Variants in CACNB4 observed in about 807,000 individuals in gnomAD.
CACNB4 encodes calcium voltage-gated channel auxiliary subunit beta 4, also known as voltage-dependent L-type calcium channel subunit beta-4.
Under a neutral mutation model 71.2 loss-of-function variants are expected in CACNB4, and 32 were observed. The observed-to-expected ratio is 0.45, with a 90% CI of 0.34 to 0.60. The LOEUF is 0.60. Ranked by LOEUF, CACNB4 falls within the 20% of genes least tolerant of loss-of-function variation. CACNB4 has a pLI of 0.01. For missense variants in CACNB4, 464 were observed against 647.9 expected (o/e 0.72, Z 3.08); for synonymous variants, 231 against 236.9 (o/e 0.97, Z 0.23).
chr2:151,866,548 G>A (rs2099843168), intron 9 of CACNB4: 2 of 152,210 alleles, frequency 1.3e-5, no homozygotes, highest in Admixed American at 6.5e-5. Flanking sequence ...GCAGCATGAT[G>A]TTATAGCTCA....
At chr2:151,890,419 T>G (rs895721441) in intron 2 of CACNB4, among the ~76,000 whole-genome samples, 1 of 152,178 alleles carries the variant, frequency 6.6e-6, no homozygotes, top group African/African-American at 2.4e-5. Flanking sequence ...TAGATATTAT[T>G]ATCACATCAA....
chr2:151,840,885 C>T (rs1271612377), intron 13 of CACNB4, among the ~76,000 whole-genome samples: 5 of 152,204 alleles, frequency 3.3e-5, no homozygotes, highest in African/African-American at 1.2e-4. Flanking sequence ...CACATTCCAG[C>T]AGCTACTTGA....
intron 13 of CACNB4, 37 bp downstream of exon 13, chr2:151,841,865 TA>T: frequency 6.3e-7 from 1 of 1,574,940 alleles, no homozygotes; most frequent in Non-Finnish European, 8.7e-7. Flanking sequence ...ATTTTACATG[TA>T]AGGTTGTAAA....
intron 13 of CACNB4, 129 bp downstream of exon 13, chr2:151,841,774 T>G: frequency 2.7e-6 from 2 of 747,946 alleles, no homozygotes; most frequent in Non-Finnish European, 4.4e-6. Flanking sequence ...TATTTAAGAT[T>G]TTTAAATATA....
chr2:152,078,775 T>C (rs1033879748), intron 2 of CACNB4, among the ~76,000 whole-genome samples: 12 of 152,234 alleles, frequency 7.9e-5, no homozygotes, highest in Non-Finnish European at 1.2e-4. Context: ...GCCTACGTCC[T>C]TGGACCACTG....
intron 2 of CACNB4, among the ~76,000 whole-genome samples, chr2:152,012,603 CAAA>C (rs35418691): frequency 4.9e-5 from 6 of 123,428 alleles, no homozygotes; most frequent in East Asian, 2.7e-4. Context: ...CGCTCCATCT[CAAA>C]AAAAAAAAAA....
chr2:151,922,834 T>G (rs2099859304), intron 2 of CACNB4, among the ~76,000 whole-genome samples: 1 of 152,244 alleles, frequency 6.6e-6, no homozygotes, highest in Non-Finnish European at 1.5e-5. Flanking sequence ...TGCAAGTCAG[T>G]TTCATAAAAC....
At chr2:152,039,545 T>G (rs181170798) in intron 2 of CACNB4, among the ~76,000 whole-genome samples, 1 of 152,330 alleles carries the variant, frequency 6.6e-6, no homozygotes, top group East Asian at 1.9e-4. Flanking sequence ...AGCCCTAGAA[T>G]ATTCTTGTTT....
intron 2 of CACNB4, among the ~76,000 whole-genome samples, chr2:152,088,688 C>T (rs527430117): frequency 2.6e-5 from 4 of 152,172 alleles, no homozygotes; most frequent in African/African-American, 4.8e-5. Flanking sequence ...CAGTAGCCGT[C>T]GAATAAGTTT....
intron 13 of CACNB4, among the ~76,000 whole-genome samples, chr2:151,841,507 G>A (rs1015430120): frequency 6.6e-5 from 10 of 152,084 alleles, no homozygotes; most frequent in African/African-American, 2.4e-4. Flanking sequence ...ATAAGCCCAT[G>A]AGTCCAGGAA....
chr2:151,897,505 T>G (rs1420488640), intron 2 of CACNB4, among the ~76,000 whole-genome samples: 3 of 152,182 alleles, frequency 2.0e-5, no homozygotes, highest in Admixed American at 6.6e-5. Flanking sequence ...TGTTGGAAAC[T>G]TTTTTGGACC....
At chr2:152,055,629 A>G (rs535544260) in intron 2 of CACNB4, among the ~76,000 whole-genome samples, 1 of 152,290 alleles carries the variant, frequency 6.6e-6, no homozygotes, top group South Asian at 2.1e-4. Flanking sequence ...CACTTTGATT[A>G]TTACTGAACA....
At chr2:151,936,845 T>C (rs543245475) in intron 2 of CACNB4, among the ~76,000 whole-genome samples, 1 of 152,358 alleles carries the variant, frequency 6.6e-6, no homozygotes, top group Non-Finnish European at 1.5e-5. Flanking sequence ...CTGTCTAACA[T>C]GAACCAGAAC....
chr2:151,971,663 C>T (rs1015496920), intron 2 of CACNB4: 10 of 701,776 alleles, frequency 1.4e-5, no homozygotes, highest in South Asian at 1.3e-4. Context: ...TGGCTTGAAG[C>T]TCTGTTCACA....
intron 2 of CACNB4, among the ~76,000 whole-genome samples, chr2:151,986,869 G>T (rs572756626): frequency 3.3e-5 from 5 of 152,184 alleles, no homozygotes; most frequent in African/African-American, 1.2e-4. Context: ...ACATTGAATT[G>T]TTACAAATCA....
At chr2:151,984,227 A>G (rs1681205051) in intron 2 of CACNB4, among the ~76,000 whole-genome samples, 1 of 152,186 alleles carries the variant, frequency 6.6e-6, no homozygotes. Flanking sequence ...CGAAAGAGAT[A>G]CTAACAAACA....
intron 2 of CACNB4, among the ~76,000 whole-genome samples, chr2:152,093,278 T>C (rs1688079154): frequency 6.6e-6 from 1 of 152,214 alleles, no homozygotes; most frequent in East Asian, 1.9e-4. Flanking sequence ...ACAAAATTTA[T>C]CAAATACTTT....
intron 2 of CACNB4, among the ~76,000 whole-genome samples, chr2:151,926,085 T>C (rs912727178): frequency 3.3e-5 from 5 of 152,118 alleles, no homozygotes; most frequent in Non-Finnish European, 7.3e-5. Context: ...TTAGAATACA[T>C]TGAATATTTT....
chr2:151,913,714 C>T lies in CACNB4; in HGVS notation c.148-30344G>A, dbSNP rs1359733113. ...CCAGGAGGCGGAGCTTGCAGTGAGC[C>T]GAGATCACGCCACTGCACTCCAGCC... On this transcript the variant is annotated intron_variant, in intron 2 of 13. Transcript: ENST00000539935. Among the ~76,000 whole-genome samples the T allele has an allele frequency of 5.0e-5, 7 of 140,554 alleles. 1 individual carries two copies. The East Asian group carries it at 1.0e-3, about 21-fold the overall frequency. 92.2% of individuals were successfully genotyped at this position (140,554 alleles called of 152,430 possible).
Sources: allele counts gnomAD v4.1 joint callset (sites outside exome capture counted in the v4.1 genomes callset), GRCh38; gene constraint gnomAD v4.1.1; transcripts MANE v1.5; gene names NCBI Gene and HGNC (gene_info 2026-07-23, HGNC 2026-07-21).